CABP1: variants seen among roughly 807,000 people sequenced by gnomAD.
The protein encoded by CABP1 is calcium-binding protein 1.
Under a neutral mutation model 34.3 loss-of-function variants are expected in CABP1, and 17 were observed. That is an observed-to-expected ratio of 0.50 (90% CI 0.34 to 0.74). CABP1 has a LOEUF of 0.74. CABP1 is among the 30% of genes least tolerant of loss of function. CABP1 has a pLI of 0.01. For missense variants in CABP1, 373 were observed against 511.1 expected (o/e 0.73, Z 2.61); for synonymous variants, 198 against 229.2 (o/e 0.86, Z 1.23).
chr12:120,650,299 C>T (rs1451843674), intron 1 of CABP1: 1 of 366,482 alleles, frequency 2.7e-6, no homozygotes, highest in Non-Finnish European at 4.9e-6. Flanking sequence ...GCAGCCTTCT[C>T]CAGCTTGGTT....
intron 1 of CABP1, chr12:120,659,052 A>G (rs982091013): frequency 2.0e-5 from 3 of 152,136 alleles, no homozygotes; most frequent in Non-Finnish European, 2.9e-5. Context: ...TCTGACGCCT[A>G]GATTCAGGGT....
chr12:120,660,675 T>C lies in CABP1; in HGVS notation c.830-56T>C, dbSNP rs56183824. 0.053 allele frequency: 63,667 copies of C among 1,202,542 alleles called. 2,135 individuals are homozygous for C. Among genetic ancestry groups the C allele is most frequent in the South Asian group, 0.11 (8,867 of 82,628 alleles). 74.5% of individuals were successfully genotyped at this position (1,202,542 alleles called of 1,614,324 possible). On this transcript the variant is annotated intron_variant, in intron 3 of 5. Coordinates refer to ENST00000316803, the MANE Select transcript of CABP1 (RefSeq NM_001033677.2). This position sits in a 1 kb window ranked among gnomAD's most constrained non-coding sequence, Gnocchi z 5.0. ...GTTGTCCATTCTGTCAGTTGTCTAG[T>C]TGGAGACAGGGAATGGGTATGTCGG... is the stretch of plus-strand genomic sequence containing the variant.
At chr12:120,658,530 A>G (rs1020602803) in intron 1 of CABP1, among the ~76,000 whole-genome samples, 1 of 151,944 alleles carries the variant, frequency 6.6e-6, no homozygotes, top group African/African-American at 2.4e-5. Flanking sequence ...CACACTCTCA[A>G]CGCTGTCCTG....
chr12:120,680,035 G>A, the CABP1 span, among the ~76,000 whole-genome samples: 8 of 151,952 alleles, frequency 5.3e-5, no homozygotes, highest in Admixed American at 4.6e-4. Context: ...AGCCAGATGT[G>A]GTGGCACATA....
chr12:120,652,654 C>T (rs950897678), intron 1 of CABP1, among the ~76,000 whole-genome samples: 5 of 152,160 alleles, frequency 3.3e-5, no homozygotes, highest in African/African-American at 1.2e-4. Context: ...CCTTAGAAGT[C>T]GTCTAGTCCA....
chr12:120,661,016 G>T lies in CABP1; in HGVS notation c.940-55G>T. On this transcript the variant is annotated intron_variant, in intron 4 of 5. Transcript: ENST00000316803. The surrounding 1 kb of genome is among the most constrained non-coding windows in gnomAD (Gnocchi z 5.1). ...GAGAAGGAGCTCAACTTTGGGATCT[G>T]CTGCTGCCAATCGCCATGCTGGGGC... The T allele has an allele frequency of 6.3e-7, 1 of 1,586,370 alleles. No homozygotes were observed. The highest frequency in any genetic ancestry group is 8.6e-7 in the Non-Finnish European group (1 of 1,164,480).
At chr12:120,650,249 C>G (rs146186522) in intron 1 of CABP1, 2 of 191,138 alleles carry the variant, frequency 1.0e-5, no homozygotes, top group East Asian at 2.5e-4. Flanking sequence ...GGGAGAGAAC[C>G]AGAGACAGGA....
chr12:120,647,699 C>T lies in CABP1; in HGVS notation c.654+6360C>T, dbSNP rs574409880. On this transcript the variant is annotated intron_variant, in intron 1 of 5. Coordinates refer to ENST00000316803, the MANE Select transcript of CABP1 (RefSeq NM_001033677.2). ...TCTCTTGCCTCAGCCTCTCGAGTAG[C>T]GGCGACTGCAGGCACCTGCCACCAC... Among the ~76,000 whole-genome samples the T allele has an allele frequency of 6.9e-4, 104 of 150,778 alleles. 1 individual carries two copies. Among genetic ancestry groups the T allele is most frequent in the Non-Finnish European group, 1.4e-3 (94 of 67,868 alleles).
intron 1 of CABP1, chr12:120,656,133 C>A (rs767261846): frequency 6.2e-7 from 1 of 1,614,160 alleles, no homozygotes; most frequent in East Asian, 2.2e-5. Flanking sequence ...GTGGTGCAGA[C>A]GAGCGAGGAG....
At chr12:120,650,760 A>G in intron 1 of CABP1, 2 of 1,472,630 alleles carry the variant, frequency 1.4e-6, no homozygotes, top group Middle Eastern at 1.9e-4. Context: ...TTGGGCACAG[A>G]AAGGGTGGCT....
chr12:120,648,007 A>T (rs1207139061), intron 1 of CABP1, among the ~76,000 whole-genome samples: 2 of 152,120 alleles, frequency 1.3e-5, no homozygotes, highest in Non-Finnish European at 2.9e-5. Flanking sequence ...ATTTCTGGGG[A>T]AGCTCCCCAG....
chr12:120,680,007 A>G, the CABP1 span, among the ~76,000 whole-genome samples: 1 of 152,056 alleles, frequency 6.6e-6, no homozygotes, highest in Non-Finnish European at 1.5e-5. Context: ...CCCCATCTCT[A>G]CTAGAAGTAC....
the CABP1 span, among the ~76,000 whole-genome samples, chr12:120,672,955 C>T: frequency 6.6e-6 from 1 of 152,028 alleles, no homozygotes; most frequent in African/African-American, 2.4e-5. Context: ...GCTTGAACCT[C>T]GGAGGCAGAA....
At chr12:120,666,784 GGGCAGT>G (rs1881018733) in intron 5 of CABP1, 85 bp from the exon 6 acceptor site, 1 of 1,375,474 alleles carries the variant, frequency 7.3e-7, no homozygotes, top group East Asian at 2.5e-5. Flanking sequence ...CACAGAGTTG[GGGCAGT>G]GGCAACAGGG....
the CABP1 span, among the ~76,000 whole-genome samples, chr12:120,676,999 A>G: frequency 6.6e-6 from 1 of 151,894 alleles, no homozygotes; most frequent in African/African-American, 2.4e-5. Flanking sequence ...GCTACTTGGG[A>G]TCAGTTAAGG....
chr12:120,656,831 G>C (rs748627746), intron 1 of CABP1, among the ~76,000 whole-genome samples: 1 of 152,196 alleles, frequency 6.6e-6, no homozygotes, highest in African/African-American at 2.4e-5. Context: ...GGAGGCAGAG[G>C]TTGCAGTGAG....
At chr12:120,646,797 G>A (rs893797835) in intron 1 of CABP1, among the ~76,000 whole-genome samples, 2 of 152,194 alleles carry the variant, frequency 1.3e-5, no homozygotes, top group African/African-American at 4.8e-5. Context: ...ACAGGCATAA[G>A]CCGCCATACC....
downstream of CABP1, among the ~76,000 whole-genome samples, chr12:120,669,667 T>C (rs550748067): frequency 4.7e-4 from 71 of 152,050 alleles, no homozygotes; most frequent in African/African-American, 1.5e-3. Context: ...GGCAAGAGAA[T>C]TGCTTGAACA....
intron 1 of CABP1, chr12:120,659,494 GTTT>G: frequency 6.2e-6 from 1 of 162,212 alleles, no homozygotes; most frequent in Non-Finnish European, 1.3e-5. Flanking sequence ...TTCTTTTTTT[GTTT>G]TTTTTTTTTG....
Sources: allele counts gnomAD v4.1 joint callset (sites outside exome capture counted in the v4.1 genomes callset), GRCh38; gene constraint gnomAD v4.1.1; non-coding constraint Gnocchi (gnomAD v3.1); transcripts MANE v1.5; gene names NCBI Gene and HGNC (gene_info 2026-07-23, HGNC 2026-07-21).